CNNM2: variants seen among roughly 807,000 people sequenced by gnomAD.
CNNM2 encodes cyclin and CBS domain divalent metal cation transport mediator 2, also known as metal transporter CNNM2.
Under a neutral mutation model 66.9 loss-of-function variants are expected in CNNM2, and 12 were observed. That is an observed-to-expected ratio of 0.18 (90% CI 0.11 to 0.29). CNNM2 has a LOEUF of 0.29. Among genes scored for constraint, CNNM2 ranks in the 10% least tolerant of loss-of-function variants. The pLI is 1.00. For missense variants in CNNM2, 705 were observed against 1,167.7 expected, an observed-to-expected ratio of 0.60 and a Z score of 5.77; for synonymous variants, 557 against 501.8, an observed-to-expected ratio of 1.11 and a Z score of -1.47.
chr10:103,006,623 T>TCTTTG (rs1226838458), intron 1 of CNNM2, among the ~76,000 whole-genome samples: 5 of 152,100 alleles, frequency 3.3e-5, no homozygotes, highest in African/African-American at 1.2e-4. Flanking sequence ...TACTGAATTT[T>TCTTTG]GTCAAATGCT....
chr10:102,975,553 C>A (rs2063616224), intron 1 of CNNM2, among the ~76,000 whole-genome samples: 1 of 149,546 alleles, frequency 6.7e-6, no homozygotes, highest in African/African-American at 2.5e-5. Flanking sequence ...CCTGCAAATA[C>A]ATGTATGTAC....
At chr10:103,065,415 G>A (rs1354084140) in intron 4 of CNNM2, among the ~76,000 whole-genome samples, 1 of 152,162 alleles carries the variant, frequency 6.6e-6, no homozygotes, top group Non-Finnish European at 1.5e-5. Flanking sequence ...AGAGCTTCAG[G>A]CCTCAGAGTG....
intron 2 of CNNM2, among the ~76,000 whole-genome samples, chr10:103,053,682 A>C (rs964509298): frequency 3.3e-5 from 5 of 152,180 alleles, no homozygotes; most frequent in African/African-American, 7.2e-5. Flanking sequence ...ATAGCCTAAA[A>C]TATTGACTCT....
At chr10:103,027,753 T>C (rs1157895526) in intron 1 of CNNM2, among the ~76,000 whole-genome samples, 1 of 152,204 alleles carries the variant, frequency 6.6e-6, no homozygotes, top group Non-Finnish European at 1.5e-5. Context: ...GATTTTTAGC[T>C]TCCTAACCCA....
At chr10:103,076,407 C>A in intron 7 of CNNM2, 137 bp downstream of exon 7, 1 of 802,270 alleles carries the variant, frequency 1.2e-6, no homozygotes, top group Non-Finnish European at 2.0e-6. Flanking sequence ...CCATTCTCAA[C>A]TACACACCCT....
chr10:102,985,751 A>C (rs1024272390), intron 1 of CNNM2, among the ~76,000 whole-genome samples: 1 of 152,200 alleles, frequency 6.6e-6, no homozygotes, highest in African/African-American at 2.4e-5. Flanking sequence ...GCTGTCTTTT[A>C]GCAACAGTGT....
chr10:103,031,925 T>G (rs2134302604), intron 1 of CNNM2, among the ~76,000 whole-genome samples: 1 of 152,322 alleles, frequency 6.6e-6, no homozygotes, highest in Non-Finnish European at 1.5e-5. Flanking sequence ...AGAGAAATCC[T>G]AAGGCAGGAA....
chr10:102,951,697 G>A (rs1846840677), intron 1 of CNNM2, among the ~76,000 whole-genome samples: 1 of 149,568 alleles, frequency 6.7e-6, no homozygotes, highest in Non-Finnish European at 1.5e-5. Flanking sequence ...GGGGTGCAGT[G>A]GTCTGATCCT....
intron 1 of CNNM2, among the ~76,000 whole-genome samples, chr10:103,024,023 G>C (rs1194862019): frequency 6.6e-6 from 1 of 151,986 alleles, no homozygotes; most frequent in Non-Finnish European, 1.5e-5. Context: ...AAGAAAATTA[G>C]GGTACCCTAA....
At chr10:102,929,266 GA>G (rs892362564) in intron 1 of CNNM2, among the ~76,000 whole-genome samples, 1 of 151,432 alleles carries the variant, frequency 6.6e-6, no homozygotes, top group Non-Finnish European at 1.5e-5. Flanking sequence ...CTCAAAACAA[GA>G]AAAAAAAGAG....
At chr10:102,938,676 T>TA (rs1205963852) in intron 1 of CNNM2, among the ~76,000 whole-genome samples, 1 of 146,360 alleles carries the variant, frequency 6.8e-6, no homozygotes, top group Non-Finnish European at 1.5e-5. Flanking sequence ...GCCAACTTTC[T>TA]AAAAAAATTA....
At chr10:102,961,066 CG>C (rs1333528737) in intron 1 of CNNM2, among the ~76,000 whole-genome samples, 1 of 151,802 alleles carries the variant, frequency 6.6e-6, no homozygotes, top group Non-Finnish European at 1.5e-5. Context: ...TCAGTAGATA[CG>C]GGGTTTCACC....
intron 1 of CNNM2, among the ~76,000 whole-genome samples, chr10:102,973,502 C>CTGTGTG (rs533098295): frequency 2.0e-5 from 3 of 149,336 alleles, no homozygotes; most frequent in East Asian, 4.0e-4. Context: ...TGCTAATTTT[C>CTGTGTG]TGTGTGTGTG....
intron 1 of CNNM2, among the ~76,000 whole-genome samples, chr10:102,958,156 G>A (rs562305719): frequency 2.0e-5 from 3 of 152,128 alleles, no homozygotes; most frequent in Admixed American, 6.5e-5. Flanking sequence ...GGCTGATCTC[G>A]AACTCCCGAC....
At chr10:102,941,285 C>T (rs575396243) in intron 1 of CNNM2, among the ~76,000 whole-genome samples, 7 of 109,264 alleles carry the variant, frequency 6.4e-5, no homozygotes, top group Middle Eastern at 6.3e-3. Context: ...TAAAAAATTA[C>T]GTAGTAGAGA....
chr10:102,975,252 G>C (rs1241459203), intron 1 of CNNM2, among the ~76,000 whole-genome samples: 1 of 152,078 alleles, frequency 6.6e-6, no homozygotes, highest in African/African-American at 2.4e-5. Flanking sequence ...ATTATAAATG[G>C]AAAAGGCAAG....
At chr10:102,958,466 T>G (rs1003464265) in intron 1 of CNNM2, among the ~76,000 whole-genome samples, 11 of 115,356 alleles carry the variant, frequency 9.5e-5, no homozygotes, top group Non-Finnish European at 1.4e-4. Context: ...CTTGTTTTTT[T>G]TTTTTTTTTT....
intron 1 of CNNM2, among the ~76,000 whole-genome samples, chr10:102,986,664 C>T (rs184757892): frequency 2.0e-5 from 3 of 151,324 alleles, no homozygotes; most frequent in Non-Finnish European, 4.4e-5. Flanking sequence ...CCTGTAGTCC[C>T]AGCTACTTGG....
intron 1 of CNNM2, among the ~76,000 whole-genome samples, chr10:102,964,283 C>A (rs1234608257): frequency 6.6e-6 from 1 of 151,010 alleles, no homozygotes; most frequent in Non-Finnish European, 1.5e-5. Flanking sequence ...GGCTGGAGTG[C>A]AGTGGCACCA....
Sources: allele counts gnomAD v4.1 joint callset (sites outside exome capture counted in the v4.1 genomes callset), GRCh38; gene constraint gnomAD v4.1.1; transcripts MANE v1.5; gene names NCBI Gene and HGNC (gene_info 2026-07-23, HGNC 2026-07-21).